Variants in KIF3B observed in about 807,000 individuals in gnomAD.
The protein encoded by KIF3B is kinesin-like protein KIF3B.
A neutral mutation model predicts 74.3 loss-of-function variants in KIF3B; 38 were observed. The ratio of observed to expected loss-of-function variants is 0.51; its 90% CI spans 0.39 to 0.67. The LOEUF is 0.67. Ranked by LOEUF, KIF3B falls within the 30% of genes least tolerant of loss-of-function variation. The pLI is 0.00. For synonymous variants in KIF3B, 326 were observed against 342.5 expected (o/e 0.95, Z 0.53); for missense variants, 649 against 932.0 (o/e 0.70, Z 3.95).
chr20:32,299,403 A>ATATATATAT (rs1555895046), intron 1 of KIF3B, among the ~76,000 whole-genome samples: 2 of 9,026 alleles, frequency 2.2e-4, no homozygotes, highest in Non-Finnish European at 3.5e-4. Flanking sequence ...ATATATATAT[A>ATATATATAT]TTTTTTTTTT....
chr20:32,328,419 G>A (rs924233718), intron 7 of KIF3B, among the ~76,000 whole-genome samples: 12 of 147,760 alleles, frequency 8.1e-5, no homozygotes, highest in South Asian at 2.2e-4. Flanking sequence ...GCAAGACTCC[G>A]TCTCAAAAAC....
intron 1 of KIF3B, among the ~76,000 whole-genome samples, chr20:32,304,154 T>C (rs191461739): frequency 1.1e-3 from 168 of 152,298 alleles, no homozygotes; most frequent in African/African-American, 3.8e-3. Flanking sequence ...TAGACAATAA[T>C]ATTTTATTAC....
intron 1 of KIF3B, among the ~76,000 whole-genome samples, chr20:32,291,922 T>G (rs1165103926): frequency 1.3e-5 from 2 of 151,454 alleles, no homozygotes; most frequent in Non-Finnish European, 2.9e-5. Flanking sequence ...TCGCCTCATT[T>G]TTTTTTTCTT....
At chr20:32,326,947 A>G in intron 6 of KIF3B, 63 bp downstream of exon 6, 2 of 834,642 alleles carry the variant, frequency 2.4e-6, no homozygotes, top group Non-Finnish European at 3.9e-6. Flanking sequence ...TGTTGATAAC[A>G]AGAGCCCTCT....
rs753616847 is a variant in KIF3B at position 32,326,760 on chromosome 20, T to C, written c.1749-11T>C. On this transcript the variant is annotated splice_polypyrimidine_tract_variant and intron_variant, in intron 5 of 8. Coordinates refer to ENST00000375712, the MANE Select transcript of KIF3B (RefSeq NM_004798.4). The stretch of plus-strand genomic sequence containing the variant: ...TGTATCTGTTTTCACCTGTTATGTG[T>C]GCTCTTACAGGCATCTTATTATAGA... 2.0e-5 allele frequency: 20 copies of C among 1,025,636 alleles called. No homozygotes were observed. The highest frequency in any genetic ancestry group is 3.0e-5 in the Non-Finnish European group (20 of 659,536). The allele number at this position is 1,025,636 out of a possible 1,614,324, so 63.5% of individuals were successfully genotyped here.
At chr20:32,300,709 C>T (rs1245008735) in intron 1 of KIF3B, among the ~76,000 whole-genome samples, 1 of 152,190 alleles carries the variant, frequency 6.6e-6, no homozygotes, top group African/African-American at 2.4e-5. Context: ...CCACTGCATC[C>T]AGCCTGTTTC....
intron 1 of KIF3B, among the ~76,000 whole-genome samples, chr20:32,293,827 C>A (rs534297475): frequency 2.8e-4 from 43 of 152,252 alleles, no homozygotes; most frequent in African/African-American, 1.0e-3. Context: ...TTGCGTTAAT[C>A]TTTGCATAGA....
At chr20:32,302,142 C>A (rs1331452642) in intron 1 of KIF3B, among the ~76,000 whole-genome samples, 1 of 152,124 alleles carries the variant, frequency 6.6e-6, no homozygotes, top group African/African-American at 2.4e-5. Context: ...GGAAGAATAA[C>A]AAAGGTAATA....
At chr20:32,290,598 C>G (rs145447935) in intron 1 of KIF3B, among the ~76,000 whole-genome samples, 1 of 151,778 alleles carries the variant, frequency 6.6e-6, no homozygotes, top group Non-Finnish European at 1.5e-5. Flanking sequence ...AGGCCAGGCG[C>G]GATGGCTCAC....
chr20:32,318,491 C>T (rs2047839840), intron 5 of KIF3B, among the ~76,000 whole-genome samples: 1 of 152,168 alleles, frequency 6.6e-6, no homozygotes, highest in South Asian at 2.1e-4. Flanking sequence ...GAAGTAATCA[C>T]TAATCTGCTT....
chr20:32,299,379 G>GTGTATATATA (rs1187264463), intron 1 of KIF3B, among the ~76,000 whole-genome samples: 29 of 23,086 alleles, frequency 1.3e-3, no homozygotes, highest in Admixed American at 3.5e-3. Flanking sequence ...TGGTGTGTGT[G>GTGTATATATA]TATATATATA....
chr20:32,280,204 T>C (rs536411539), intron 1 of KIF3B, among the ~76,000 whole-genome samples: 1 of 152,336 alleles, frequency 6.6e-6, no homozygotes, highest in East Asian at 1.9e-4. Context: ...TGGTAAACAT[T>C]AGCTATCGTT....
chr20:32,323,767 A>G (rs1165071627), intron 5 of KIF3B, among the ~76,000 whole-genome samples: 1 of 151,456 alleles, frequency 6.6e-6, no homozygotes, highest in East Asian at 2.0e-4. Context: ...AATCTCAACT[A>G]CTCGGGAGGC....
intron 1 of KIF3B, among the ~76,000 whole-genome samples, chr20:32,285,099 C>CAAAAAAAAAAAA (rs11480924): frequency 9.8e-6 from 1 of 102,490 alleles, no homozygotes. Flanking sequence ...AAATGATGAC[C>CAAAAAAAAAAAA]AAAAAAAAAA....
intron 5 of KIF3B, among the ~76,000 whole-genome samples, chr20:32,324,215 T>G (rs1158075314): frequency 6.6e-6 from 1 of 152,174 alleles, no homozygotes; most frequent in Admixed American, 6.6e-5. Context: ...TAGCTCTAAC[T>G]GAAAGCTATC....
rs575298577 is a variant in KIF3B at position 32,310,104 on chromosome 20, C to A, written c.327C>A (p.Ile109=). ...GTGKTYTMEG[I]RGDPEKRGVI... ...GAAAAACCTACACCATGGAAGGAAT[C>A]CGTGGTGACCCTGAAAAAAGAGGAG... Residue 109 remains isoleucine (I), a synonymous_variant, in exon 2 of 9, where the codon ATC becomes ATA. Transcript: ENST00000375712. The surrounding 1 kb of genome is among the most constrained non-coding windows in gnomAD (Gnocchi z 6.5). The A allele has an allele frequency of 7.9e-5, 127 of 1,614,142 alleles. 1 individual carries two copies. In the South Asian group the frequency reaches 1.3e-3, roughly 16 times the overall value.
At chr20:32,303,066 A>G (rs930635151) in intron 1 of KIF3B, among the ~76,000 whole-genome samples, 1 of 152,110 alleles carries the variant, frequency 6.6e-6, no homozygotes, top group East Asian at 1.9e-4. Context: ...GCTCAAGACA[A>G]TTCTTCTTCC....
chr20:32,288,392 A>G (rs2047676985), intron 1 of KIF3B, among the ~76,000 whole-genome samples: 1 of 152,120 alleles, frequency 6.6e-6, no homozygotes, highest in South Asian at 2.1e-4. Flanking sequence ...CGGGAAGCTG[A>G]GGCAAGTTCA....
chr20:32,280,342 A>G (rs759133701), intron 1 of KIF3B, among the ~76,000 whole-genome samples: 16 of 149,480 alleles, frequency 1.1e-4, no homozygotes, highest in Non-Finnish European at 2.4e-4. Flanking sequence ...AGTAGCCATC[A>G]TGGCATTATA....
Sources: allele counts gnomAD v4.1 joint callset (sites outside exome capture counted in the v4.1 genomes callset), GRCh38; gene constraint gnomAD v4.1.1; non-coding constraint Gnocchi (gnomAD v3.1); transcripts MANE v1.5; gene names NCBI Gene and HGNC (gene_info 2026-07-23, HGNC 2026-07-21).